Variants in PLPPR1 observed in about 807,000 individuals in gnomAD.
PLPPR1 encodes the protein phospholipid phosphatase-related protein type 1.
PLPPR1 carries 10 observed loss-of-function variants against 33.1 expected under a neutral mutation model. That is an observed-to-expected ratio of 0.30 (90% CI 0.19 to 0.51). PLPPR1 has a LOEUF of 0.51. Ranked by LOEUF, PLPPR1 falls within the 20% of genes least tolerant of loss-of-function variation. The pLI, the probability that PLPPR1 is intolerant of heterozygous loss-of-function variation, is 0.97. For synonymous variants in PLPPR1, 151 were observed against 151.0 expected, an observed-to-expected ratio of 1.00 and a Z score of 0.00; for missense variants, 304 against 408.1, an observed-to-expected ratio of 0.74 and a Z score of 2.20.
chr9:101,242,911 A>G (rs903387826), intron 2 of PLPPR1, among the ~76,000 whole-genome samples: 1 of 152,088 alleles, frequency 6.6e-6, no homozygotes, highest in Non-Finnish European at 1.5e-5. Context: ...GTCATGTGCT[A>G]TAACAGGAAA....
intron 1 of PLPPR1, among the ~76,000 whole-genome samples, chr9:101,164,825 AGAACCAGGT>A (rs1825832861): frequency 1.3e-5 from 2 of 152,218 alleles, no homozygotes; most frequent in Admixed American, 1.3e-4. Flanking sequence ...TTTTAGCACA[AGAACCAGGT>A]GAACCAGGTT....
At chr9:101,092,082 A>G (rs1269520647) in intron 1 of PLPPR1, among the ~76,000 whole-genome samples, 1 of 152,066 alleles carries the variant, frequency 6.6e-6, no homozygotes, top group Non-Finnish European at 1.5e-5. Context: ...TCTGAACTTC[A>G]TCTTCCTCCA....
intron 4 of PLPPR1, among the ~76,000 whole-genome samples, chr9:101,295,707 A>T (rs1268998097): frequency 9.9e-5 from 15 of 151,960 alleles, no homozygotes; most frequent in East Asian, 3.9e-4. Context: ...GGGGAAAGGA[A>T]TCCCTATTTA....
At chr9:101,244,089 T>C (rs911479642) in intron 2 of PLPPR1, among the ~76,000 whole-genome samples, 9 of 151,466 alleles carry the variant, frequency 5.9e-5, no homozygotes, top group African/African-American at 2.2e-4. Context: ...TGAACAGGAG[T>C]GTCAAATGCT....
chr9:101,129,340 A>G (rs895585441), intron 1 of PLPPR1, among the ~76,000 whole-genome samples: 1 of 152,224 alleles, frequency 6.6e-6, no homozygotes, highest in Non-Finnish European at 1.5e-5. Context: ...CATGCACCAT[A>G]TGACCCAGCC....
chr9:101,125,618 T>C, intron 1 of PLPPR1: 4 of 558,706 alleles, frequency 7.2e-6, no homozygotes, highest in Non-Finnish European at 1.4e-5. Flanking sequence ...CACATCAGAG[T>C]CATCCTCAAT....
chr9:101,267,232 CA>C (rs1828014884), intron 2 of PLPPR1, among the ~76,000 whole-genome samples: 1 of 152,192 alleles, frequency 6.6e-6, no homozygotes. Flanking sequence ...ACAAGTCAAG[CA>C]TAAAAGAAAC....
intron 4 of PLPPR1, among the ~76,000 whole-genome samples, chr9:101,293,846 A>C (rs1387257533): frequency 6.6e-6 from 1 of 152,116 alleles, no homozygotes; most frequent in Non-Finnish European, 1.5e-5. Flanking sequence ...CCACAAGAGA[A>C]AGCAGGAAAG....
Position 101,285,412 on chromosome 9 carries a change from T to C in PLPPR1, c.253-692T>C, listed in dbSNP as rs145264751. ...TAATAAAGAAGGGCTAATCAACCAG[T>C]TCAGGGTAGGAGAAATATATCTGAG... On this transcript the variant is annotated intron_variant, in intron 3 of 7. Transcript: ENST00000374874. Among the ~76,000 whole-genome samples the C allele has an allele frequency of 8.8e-3, 1,335 of 152,232 alleles. 13 individuals carry two copies. Among genetic ancestry groups the C allele is most frequent in the African/African-American group, 0.028 (1,183 of 41,540 alleles).
At chr9:101,317,291 C>G in intron 6 of PLPPR1, 74 bp from the exon 7 acceptor site, 1 of 1,506,472 alleles carries the variant, frequency 6.6e-7, no homozygotes, top group South Asian at 1.3e-5. Context: ...AGGGGAAAGG[C>G]CTGCCACCCT....
chr9:101,171,470 G>A (rs1010293388), intron 1 of PLPPR1, among the ~76,000 whole-genome samples: 10 of 152,090 alleles, frequency 6.6e-5, no homozygotes, highest in Admixed American at 6.6e-4. Flanking sequence ...CTTTAGTCGG[G>A]GATAGCTCAA....
At chr9:101,248,632 G>A (rs1053380521) in intron 2 of PLPPR1, among the ~76,000 whole-genome samples, 12 of 152,006 alleles carry the variant, frequency 7.9e-5, no homozygotes, top group African/African-American at 2.4e-4. Flanking sequence ...TTTTTCATAC[G>A]AATCAGGAGA....
chr9:101,101,593 CT>C, intron 1 of PLPPR1, among the ~76,000 whole-genome samples: 1 of 150,824 alleles, frequency 6.6e-6, no homozygotes, highest in Non-Finnish European at 1.5e-5. Context: ...TTATGAAACA[CT>C]TTATGGAATA....
intron 3 of PLPPR1, among the ~76,000 whole-genome samples, chr9:101,278,899 A>G (rs567241524): frequency 2.0e-5 from 3 of 152,218 alleles, no homozygotes; most frequent in Non-Finnish European, 4.4e-5. Context: ...GCGATTCAGA[A>G]CCAAGCTTAA....
intron 1 of PLPPR1, among the ~76,000 whole-genome samples, chr9:101,054,409 G>A (rs145825645): frequency 1.9e-3 from 281 of 151,720 alleles, no homozygotes; most frequent in Non-Finnish European, 3.0e-3. Flanking sequence ...ATTTGGACAC[G>A]ACCTTTGACC....
At chr9:101,294,647 T>C (rs1828585882) in intron 4 of PLPPR1, among the ~76,000 whole-genome samples, 1 of 152,142 alleles carries the variant, frequency 6.6e-6, no homozygotes, top group African/African-American at 2.4e-5. Context: ...GCTGGTTCAG[T>C]ATACACAAAT....
intron 2 of PLPPR1, among the ~76,000 whole-genome samples, chr9:101,248,142 T>G (rs968536000): frequency 1.3e-5 from 2 of 151,990 alleles, no homozygotes; most frequent in Non-Finnish European, 1.5e-5. Context: ...AGTTCGGACA[T>G]CAAAGATGTC....
chr9:101,074,527 G>A (rs926583170), intron 1 of PLPPR1, among the ~76,000 whole-genome samples: 1 of 152,104 alleles, frequency 6.6e-6, no homozygotes, highest in African/African-American at 2.4e-5. Context: ...CCATTCTTAA[G>A]TAAAACATTT....
At chr9:101,180,875 T>A (rs1826098454) in intron 1 of PLPPR1, among the ~76,000 whole-genome samples, 1 of 151,340 alleles carries the variant, frequency 6.6e-6, no homozygotes, top group Non-Finnish European at 1.5e-5. Context: ...ACAAGCAAAA[T>A]ATAAACAAAC....
Sources: allele counts gnomAD v4.1 joint callset (sites outside exome capture counted in the v4.1 genomes callset), GRCh38; gene constraint gnomAD v4.1.1; transcripts MANE v1.5; gene names NCBI Gene and HGNC (gene_info 2026-07-23, HGNC 2026-07-21).